The following ZNF536 variants were observed in gnomAD, a reference collection of about 807,000 sequenced individuals.
ZNF536 encodes the protein zinc finger protein 536.
ZNF536 carries 13 observed loss-of-function variants against 84.5 expected under a neutral mutation model. The ratio of observed to expected loss-of-function variants is 0.15; its 90% confidence interval spans 0.10 to 0.24. The LOEUF is 0.24. ZNF536 is among the 10% of genes least tolerant of loss of function. ZNF536 has a pLI of 1.00. For missense variants in ZNF536, 1,536 were observed against 1,747.5 expected (o/e 0.88, Z 2.16); for synonymous variants, 811 against 742.5 (o/e 1.09, Z -1.50).
At chr19:30,540,029 G>A (rs192220113) in intron 3 of ZNF536, among the ~76,000 whole-genome samples, 1 of 152,222 alleles carries the variant, frequency 6.6e-6, no homozygotes, top group Non-Finnish European at 1.5e-5. Context: ...TCTGTGAGTG[G>A]TTTATTAATC....
Position 30,659,586 on chromosome 19 carries a change from G to A in ZNF536, c.170-51171G>A, listed in dbSNP as rs574997865. Reference sequence around the variant, plus strand: ...GCTGGGGAGGCCTCACAAACATGGTGGAAGGTGGAAAGCACGTCTGCATGG... The same window carrying A: ...GCTGGGGAGGCCTCACAAACATGGTAGAAGGTGGAAAGCACGTCTGCATGG... On this transcript the variant is annotated intron_variant, in intron 1 of 1. Transcript: ENST00000592773. Among the ~76,000 whole-genome samples, 15 of 152,320 alleles carry A rather than the reference G, an allele frequency of 9.8e-5. No individual in the cohort carries two copies. In the South Asian group the frequency reaches 2.5e-3, roughly 25 times the overall value.
At chr19:30,438,478 G>GGC (rs1367051379) in intron 1 of ZNF536, among the ~76,000 whole-genome samples, 3 of 152,176 alleles carry the variant, frequency 2.0e-5, no homozygotes, top group Admixed American at 1.3e-4. Flanking sequence ...GGGTCAGTGG[G>GGC]GCGTGTAGGC....
chr19:30,498,647 A>T (rs1599594369), intron 2 of ZNF536, among the ~76,000 whole-genome samples: 2 of 152,344 alleles, frequency 1.3e-5, no homozygotes, highest in East Asian at 3.9e-4. Context: ...ACGTCAAAAA[A>T]TAGAAAAAAT....
chr19:30,243,852 A>G (rs1432648600), intron 1 of ZNF536, among the ~76,000 whole-genome samples: 1 of 152,228 alleles, frequency 6.6e-6, no homozygotes, highest in African/African-American at 2.4e-5. Context: ...CTGCAGATGT[A>G]TAGAGATTGC....
intron 1 of ZNF536, among the ~76,000 whole-genome samples, chr19:30,253,854 C>T (rs1177028822): frequency 6.6e-6 from 1 of 152,074 alleles, no homozygotes; most frequent in African/African-American, 2.4e-5. Flanking sequence ...AGGGAACAAG[C>T]GTCGCAAATA....
chr19:30,432,041 G>T (rs181403013), intron 1 of ZNF536, among the ~76,000 whole-genome samples: 1 of 143,536 alleles, frequency 7.0e-6, no homozygotes, highest in Non-Finnish European at 1.5e-5. Flanking sequence ...ACACAGGCAC[G>T]CACAGAGAGA....
chr19:30,451,264 C>T (rs1389084626), intron 2 of ZNF536, among the ~76,000 whole-genome samples: 3 of 152,258 alleles, frequency 2.0e-5, no homozygotes, highest in Admixed American at 6.5e-5. Context: ...CTGCTCGTGC[C>T]GGGATCGCCG....
At chr19:30,478,735 G>A (rs1599517547) in intron 2 of ZNF536, among the ~76,000 whole-genome samples, 1 of 152,140 alleles carries the variant, frequency 6.6e-6, no homozygotes, top group South Asian at 2.1e-4. Flanking sequence ...TTGGGGTCCT[G>A]TAAGTCGAAC....
intron 2 of ZNF536, among the ~76,000 whole-genome samples, chr19:30,471,474 C>T (rs1000313247): frequency 6.6e-6 from 1 of 152,202 alleles, no homozygotes; most frequent in Admixed American, 6.5e-5. Flanking sequence ...TCCTGGGTGA[C>T]GTGCACAGGT....
intron 2 of ZNF536, among the ~76,000 whole-genome samples, chr19:30,348,433 T>C (rs1161629834): frequency 6.6e-6 from 1 of 152,166 alleles, no homozygotes; most frequent in East Asian, 1.9e-4. Flanking sequence ...AGAATTCAAA[T>C]GTCCCTTACG....
chr19:30,346,989 A>G (rs1264930584), intron 2 of ZNF536, among the ~76,000 whole-genome samples: 3 of 152,202 alleles, frequency 2.0e-5, no homozygotes, highest in African/African-American at 7.2e-5. Context: ...CTTTTTCTCC[A>G]CAACCTAGCC....
chr19:30,642,509 T>G (rs2049303217), intron 1 of ZNF536, among the ~76,000 whole-genome samples: 1 of 152,106 alleles, frequency 6.6e-6, no homozygotes, highest in Non-Finnish European at 1.5e-5. Context: ...CTCAAAAGCT[T>G]CAGAGGGGAC....
chr19:30,614,465 G>GGAGAGAGAGA (rs141253341), intron 1 of ZNF536, among the ~76,000 whole-genome samples: 28 of 147,878 alleles, frequency 1.9e-4, no homozygotes, highest in African/African-American at 7.0e-4. Context: ...CGGGGGCGGG[G>GGAGAGAGAGA]GAGAGAGAGA....
At chr19:30,577,435 T>C (rs528207307) in intron 1 of ZNF536, among the ~76,000 whole-genome samples, 1 of 152,332 alleles carries the variant, frequency 6.6e-6, no homozygotes, top group South Asian at 2.1e-4. Flanking sequence ...AGGACAGAGA[T>C]AGTAAATTAG....
chr19:30,424,512 G>C (rs2051127470), intron 1 of ZNF536, among the ~76,000 whole-genome samples: 1 of 152,150 alleles, frequency 6.6e-6, no homozygotes, highest in Non-Finnish European at 1.5e-5. Flanking sequence ...GTGGGTAACA[G>C]GGGAATCTCT....
chr19:30,461,514 T>G (rs1048085283), intron 2 of ZNF536, among the ~76,000 whole-genome samples: 12 of 152,114 alleles, frequency 7.9e-5, no homozygotes, highest in South Asian at 2.1e-4. Context: ...GGGACCCCCC[T>G]GAGCCCCACA....
chr19:30,443,583 C>T lies in ZNF536; in HGVS notation c.21C>T (p.Cys7=), dbSNP rs2148144802. ...CAGGGATGGAAGAAGCGAGCCTGTG[C>T]CTTGGAGTGTCTTCGGCGGAGCCGG... The part of the protein sequence containing the change: MEEASL[C]LGVSSAEPEA... The change falls in exon 2 of 5, where the codon TGC becomes TGT. Residue 7 remains cysteine (C), a synonymous_variant. Transcript: ENST00000355537. 4 of 1,568,374 alleles carry T rather than the reference C, an allele frequency of 2.6e-6. No individual in the cohort carries two copies. The highest frequency in any genetic ancestry group is 3.4e-6 in the Non-Finnish European group (4 of 1,160,036).
At chr19:30,629,593 A>G (rs1027637512) in intron 1 of ZNF536, among the ~76,000 whole-genome samples, 3 of 152,236 alleles carry the variant, frequency 2.0e-5, no homozygotes, top group Non-Finnish European at 4.4e-5. Flanking sequence ...GAGATCAAGT[A>G]ATGCTCAAGG....
At chr19:30,392,582 CT>C (rs1400875003) in intron 1 of ZNF536, among the ~76,000 whole-genome samples, 4 of 152,272 alleles carry the variant, frequency 2.6e-5, no homozygotes, top group Admixed American at 2.6e-4. Context: ...GCCAGTCCTC[CT>C]TCTTTCTGTG....
Sources: allele counts gnomAD v4.1 joint callset (sites outside exome capture counted in the v4.1 genomes callset), GRCh38; gene constraint gnomAD v4.1.1; transcripts MANE v1.5; gene names NCBI Gene and HGNC (gene_info 2026-07-23, HGNC 2026-07-21).